The following ZNF385B variants were observed in gnomAD, a reference collection of about 807,000 sequenced individuals.
ZNF385B encodes zinc finger protein 385B.
Under a neutral mutation model 39.2 loss-of-function variants are expected in ZNF385B, and 23 were observed. The ratio of observed to expected loss-of-function variants is 0.59; its 90% CI spans 0.42 to 0.83. ZNF385B has a LOEUF of 0.83. Ranked by LOEUF, ZNF385B falls within the 40% of genes least tolerant of loss-of-function variation. ZNF385B has a pLI of 0.00. For synonymous variants in ZNF385B, 205 were observed against 222.6 expected (o/e 0.92, Z 0.70); for missense variants, 552 against 598.9 (o/e 0.92, Z 0.82).
At chr2:179,632,000 T>C (rs1691269847) in intron 3 of ZNF385B, among the ~76,000 whole-genome samples, 1 of 152,152 alleles carries the variant, frequency 6.6e-6, no homozygotes, top group Non-Finnish European at 1.5e-5. Flanking sequence ...CTAACTATCC[T>C]AAATATATAT....
chr2:179,755,432 T>C (rs916683478), intron 3 of ZNF385B, among the ~76,000 whole-genome samples: 5 of 152,212 alleles, frequency 3.3e-5, no homozygotes, highest in East Asian at 1.9e-4. Flanking sequence ...GAGAGTTCTG[T>C]AGATGTCTAT....
intron 3 of ZNF385B, among the ~76,000 whole-genome samples, chr2:179,638,758 C>A (rs1295048819): frequency 6.6e-6 from 1 of 151,972 alleles, no homozygotes; most frequent in Non-Finnish European, 1.5e-5. Flanking sequence ...AGGGATGGGA[C>A]CAAGTTAGGG....
intron 3 of ZNF385B, among the ~76,000 whole-genome samples, chr2:179,692,384 A>G (rs1698422693): frequency 6.6e-6 from 1 of 152,092 alleles, no homozygotes; most frequent in Non-Finnish European, 1.5e-5. Context: ...TCTTGTCACC[A>G]CATGTATCCT....
At chr2:179,492,396 T>C (rs2055336795) in intron 5 of ZNF385B, among the ~76,000 whole-genome samples, 1 of 152,218 alleles carries the variant, frequency 6.6e-6, no homozygotes, top group Non-Finnish European at 1.5e-5. Context: ...TCTGATGGTC[T>C]TTTAAATTAG....
intron 3 of ZNF385B, chr2:179,585,886 A>C (rs1295258902): frequency 2.0e-5 from 3 of 152,272 alleles, no homozygotes; most frequent in Admixed American, 2.0e-4. Flanking sequence ...AGCCTTTGCC[A>C]TACTTTGCAA....
chr2:179,718,056 G>A (rs1336704403), intron 3 of ZNF385B, among the ~76,000 whole-genome samples: 1 of 152,074 alleles, frequency 6.6e-6, no homozygotes, highest in Admixed American at 6.6e-5. Flanking sequence ...TTTATGCTAT[G>A]CTGAGCCAAT....
chr2:179,809,004 T>G (rs888734204), intron 1 of ZNF385B, among the ~76,000 whole-genome samples: 1 of 152,232 alleles, frequency 6.6e-6, no homozygotes, highest in Non-Finnish European at 1.5e-5. Flanking sequence ...AGAGAATTGG[T>G]AGTTTCTCCT....
intron 1 of ZNF385B, among the ~76,000 whole-genome samples, chr2:179,837,442 T>C (rs1214778305): frequency 6.6e-6 from 1 of 152,210 alleles, no homozygotes; most frequent in African/African-American, 2.4e-5. Flanking sequence ...TTAGTATTTA[T>C]ATAGCATCTC....
intron 3 of ZNF385B, among the ~76,000 whole-genome samples, chr2:179,636,222 A>G (rs1691737849): frequency 6.6e-6 from 1 of 152,136 alleles, no homozygotes; most frequent in African/African-American, 2.4e-5. Flanking sequence ...CTGACTACAT[A>G]CTTCTAGGAC....
intron 1 of ZNF385B, among the ~76,000 whole-genome samples, chr2:179,844,560 G>T (rs1708702524): frequency 6.6e-6 from 1 of 152,088 alleles, no homozygotes. Flanking sequence ...TTCTACTTCA[G>T]CAAGATTTAA....
chr2:179,850,459 A>G (rs997013825), intron 1 of ZNF385B, among the ~76,000 whole-genome samples: 1 of 152,202 alleles, frequency 6.6e-6, no homozygotes, highest in Non-Finnish European at 1.5e-5. Flanking sequence ...TTGCCTCCCT[A>G]TGATCCCACC....
chr2:179,712,576 C>T (rs1021033703), intron 3 of ZNF385B, among the ~76,000 whole-genome samples: 1 of 152,150 alleles, frequency 6.6e-6, no homozygotes, highest in African/African-American at 2.4e-5. Context: ...TCCACCACCA[C>T]TAGTGTAGTT....
chr2:179,752,228 T>G (rs1038406010), intron 3 of ZNF385B, among the ~76,000 whole-genome samples: 1 of 152,194 alleles, frequency 6.6e-6, no homozygotes, highest in Non-Finnish European at 1.5e-5. Context: ...AATGATGGTT[T>G]CCAGCTTCAT....
At chr2:179,641,809 C>T (rs1302381056) in intron 3 of ZNF385B, among the ~76,000 whole-genome samples, 1 of 152,082 alleles carries the variant, frequency 6.6e-6, no homozygotes, top group Admixed American at 6.6e-5. Context: ...CCCTTTTGTC[C>T]CAGAAGCCAC....
chr2:179,762,477 C>A (rs1703461030), intron 3 of ZNF385B, among the ~76,000 whole-genome samples: 1 of 152,170 alleles, frequency 6.6e-6, no homozygotes, highest in African/African-American at 2.4e-5. Flanking sequence ...CAGGTGTGAG[C>A]CACCATGCCC....
chr2:179,850,326 C>T (rs187949909), intron 1 of ZNF385B, among the ~76,000 whole-genome samples: 1 of 152,292 alleles, frequency 6.6e-6, no homozygotes, highest in Admixed American at 6.5e-5. Flanking sequence ...TCTGTTATGT[C>T]TGGTGGCTGA....
At chr2:179,665,418 A>G (rs920124422) in intron 3 of ZNF385B, among the ~76,000 whole-genome samples, 1 of 152,202 alleles carries the variant, frequency 6.6e-6, no homozygotes, top group Non-Finnish European at 1.5e-5. Flanking sequence ...ATTTTTTTCA[A>G]GGCACTAAAT....
chr2:179,734,540 A>T lies in ZNF385B; in HGVS notation c.298+34963T>A, dbSNP rs533885502. Among the ~76,000 whole-genome samples the T allele has an allele frequency of 2.0e-5, 3 of 152,338 alleles. No homozygotes were observed. In the South Asian group the frequency reaches 6.2e-4, roughly 32 times the overall value. Reference sequence around the variant, plus strand: ...AATCTTTTTATGAACAGCAATATCAAATAAAGTATTGAGTTCTGCACAAGT... The same window carrying T: ...AATCTTTTTATGAACAGCAATATCATATAAAGTATTGAGTTCTGCACAAGT... On this transcript the variant is annotated intron_variant, in intron 3 of 9. Transcript: ENST00000410066.
chr2:179,735,102 G>T (rs181248520), intron 3 of ZNF385B, among the ~76,000 whole-genome samples: 1 of 152,016 alleles, frequency 6.6e-6, no homozygotes, highest in Non-Finnish European at 1.5e-5. Flanking sequence ...GCAACCTACA[G>T]AATGGGAGAA....
Sources: gnomAD v4.1 joint callset for allele counts (sites outside exome capture counted in the v4.1 genomes callset) on GRCh38, gnomAD v4.1.1 for gene constraint, MANE v1.5 for transcripts, NCBI Gene and HGNC (gene_info 2026-07-23, HGNC 2026-07-21) for gene names.